The following NFAM1 variants were observed in gnomAD, a reference collection of about 807,000 sequenced individuals.
NFAM1 encodes NFAT activation molecule 1.
A neutral mutation model predicts 29.0 loss-of-function variants in NFAM1; 17 were observed. The observed-to-expected ratio is 0.59, with a 90% confidence interval of 0.40 to 0.88. The LOEUF (loss-of-function observed/expected upper bound fraction) is 0.88, where lower values mean the gene tolerates loss of function less well. NFAM1 is among the 40% of genes least tolerant of loss of function. The pLI is 0.00. For synonymous variants in NFAM1, 175 were observed against 147.2 expected, an observed-to-expected ratio of 1.19 and a Z score of -1.36; for missense variants, 324 against 344.6, an observed-to-expected ratio of 0.94 and a Z score of 0.47.
At chr22:42,410,550 T>C in intron 2 of NFAM1, 2 of 288,210 alleles carry the variant, frequency 6.9e-6, no homozygotes, top group Non-Finnish European at 1.4e-5. Context: ...TCCCAGGTAC[T>C]TGGGAGGCTG....
chr22:42,388,928 G>C lies in NFAM1; in HGVS notation c.664-1850C>G, dbSNP rs967875878. On this transcript the variant is annotated intron_variant, in intron 4 of 5. Transcript: ENST00000329021. The surrounding 1 kb of genome is among the most constrained non-coding windows in gnomAD (Gnocchi z 4.1). Reference sequence around the variant, plus strand: ...AAACTTCCAAGTCCTGCCCTGCCTTGTGCGGCCTTCGTGCCTGTCCGGAGC... The same window carrying C: ...AAACTTCCAAGTCCTGCCCTGCCTTCTGCGGCCTTCGTGCCTGTCCGGAGC... Among the ~76,000 whole-genome samples, 23 of 152,190 alleles carry C rather than the reference G, an allele frequency of 1.5e-4. No homozygotes were observed. The highest frequency in any genetic ancestry group is 3.1e-4 in the Non-Finnish European group (21 of 68,032).
Position 42,411,401 on chromosome 22 carries a change from C to G in NFAM1, c.451+6G>C, listed in dbSNP as rs377343892. The G allele has an allele frequency of 6.2e-7, 1 of 1,605,848 alleles. No individual in the cohort carries two copies. On this transcript the variant is annotated splice_donor_region_variant and intron_variant, in intron 2 of 5. Coordinates refer to ENST00000329021, the MANE Select transcript of NFAM1 (RefSeq NM_145912.8). ...TGCCCTGGAAGAGCCACAGAGGAAG[C>G]CTTACCTCTGACCAGGATGAAGGTG...
chr22:42,382,954 C>T lies in NFAM1; in HGVS notation c.*2207G>A, dbSNP rs1294818079. ...GTGATGGGTCAGCCCCCAAGAACCT[C>T]CTACGCCACAGGGAGGAGTTGGAAT... is the stretch of plus-strand genomic sequence containing the variant. On this transcript the variant is annotated 3_prime_UTR_variant, in exon 6 of 6. Transcript: ENST00000329021. 1.3e-5 allele frequency: 2 copies of T among 152,690 alleles called. No homozygotes were observed. Among genetic ancestry groups the T allele is most frequent in the African/African-American group, 4.8e-5 (2 of 41,450 alleles). The allele number at this position is 152,690 out of a possible 1,614,324, so 9.5% of individuals were successfully genotyped here. A position where few individuals can be genotyped will look rare whatever the true frequency, so the allele number is the denominator to read the frequency against.
At chr22:42,390,816 CAAA>C (rs11343542) in intron 4 of NFAM1, among the ~76,000 whole-genome samples, 12 of 107,572 alleles carry the variant, frequency 1.1e-4, no homozygotes, top group Admixed American at 1.8e-4. Context: ...GACTCCGTCT[CAAA>C]AAAAAAAAAA....
chr22:42,385,368 C>G, intron 5 of NFAM1, 148 bp from the exon 6 acceptor site: 1 of 667,372 alleles, frequency 1.5e-6, no homozygotes, highest in Non-Finnish European at 2.7e-6. Context: ...GTCTCCAAGC[C>G]CACCTCCCCA....
chr22:42,396,296 T>C (rs1361663641), intron 4 of NFAM1, among the ~76,000 whole-genome samples: 1 of 152,188 alleles, frequency 6.6e-6, no homozygotes, highest in South Asian at 2.1e-4. Flanking sequence ...GAAAGATATT[T>C]ATTCACGTGG....
intron 1 of NFAM1, among the ~76,000 whole-genome samples, chr22:42,417,925 C>A (rs1271043211): frequency 6.6e-6 from 1 of 152,206 alleles, no homozygotes; most frequent in Admixed American, 6.5e-5. Context: ...TCTCCTGTGC[C>A]TCCCCACCCC....
intron 3 of NFAM1, among the ~76,000 whole-genome samples, chr22:42,398,400 A>ATTATTG (rs1929610072): frequency 7.9e-6 from 1 of 126,062 alleles, no homozygotes; most frequent in African/African-American, 2.8e-5. Flanking sequence ...TATTATTATT[A>ATTATTG]TTATTATTAT....
intron 1 of NFAM1, 108 bp from the exon 2 acceptor site, chr22:42,411,844 T>C: frequency 1.4e-6 from 1 of 720,306 alleles, no homozygotes; most frequent in East Asian, 2.7e-5. Context: ...ACACCTGTAA[T>C]TCCAACACTT....
chr22:42,422,379 G>A (rs943748726), intron 1 of NFAM1, among the ~76,000 whole-genome samples: 5 of 152,118 alleles, frequency 3.3e-5, no homozygotes, highest in African/African-American at 1.2e-4. Flanking sequence ...GCTGAGGCGG[G>A]CGGATCATCT....
intron 4 of NFAM1, among the ~76,000 whole-genome samples, chr22:42,389,359 G>C (rs1359847404): frequency 6.6e-6 from 1 of 152,208 alleles, no homozygotes; most frequent in African/African-American, 2.4e-5. Flanking sequence ...TGAGAACAGG[G>C]GAGGCTGCGG....
chr22:42,433,319 G>A (rs901942105), upstream of NFAM1, among the ~76,000 whole-genome samples: 5 of 152,200 alleles, frequency 3.3e-5, no homozygotes, highest in East Asian at 1.9e-4. Flanking sequence ...GAGTTTCAGC[G>A]CATGCTGAGC....
chr22:42,436,170 C>T (rs1485087938), upstream of NFAM1, among the ~76,000 whole-genome samples: 2 of 152,194 alleles, frequency 1.3e-5, no homozygotes, highest in Admixed American at 6.5e-5. Context: ...GCTGAGAGGC[C>T]TCCAGCCGGG....
upstream of NFAM1, chr22:42,437,057 A>G: frequency 3.4e-6 from 3 of 889,766 alleles, no homozygotes; most frequent in Non-Finnish European, 4.0e-6. Context: ...GCTAGTGCCA[A>G]CTCCCCAACC....
At position 42,424,137 on chromosome 22, in the gene NFAM1, T is replaced by C. The variant is rs538546596; in HGVS notation, c.121+8100A>G. 7.4e-5 allele frequency among the ~76,000 whole-genome samples: 11 copies of C among 148,024 alleles called. No homozygotes were observed. In the East Asian group the frequency reaches 1.1e-3, roughly 15 times the overall value. On this transcript the variant is annotated intron_variant, in intron 1 of 5. Coordinates refer to ENST00000329021, the MANE Select transcript of NFAM1 (RefSeq NM_145912.8). ...CTTTAAAAAAAAACAAACACATGGCTGGGCGCGGTGGCTCATGCCTGTAAT... is the reference window on the plus strand; with the variant it reads ...CTTTAAAAAAAAACAAACACATGGCCGGGCGCGGTGGCTCATGCCTGTAAT...
Position 42,387,014 on chromosome 22 carries a change from G to A in NFAM1, c.728C>T (p.Thr243Ile). 6.3e-7 allele frequency: 1 copy of A among 1,578,780 alleles called. No individual in the cohort carries two copies. Residue 243 changes from threonine (T) to isoleucine (I), a missense_variant, in exon 5 of 6, where the codon ACC becomes ATC. By Grantham distance (89) the Thr-to-Ile change is moderately conservative. Coordinates refer to ENST00000329021, the MANE Select transcript of NFAM1 (RefSeq NM_145912.8). ...CTGGGAGAGGGGGCTCTGCTTGGCG[G>A]TGGGTGAGCTGCCATCCTCATTCTC... ...CIENEDGSSP[T>I]AKQSPLSQER...
At chr22:42,394,538 C>T (rs1264541065) in intron 4 of NFAM1, among the ~76,000 whole-genome samples, 1 of 151,998 alleles carries the variant, frequency 6.6e-6, no homozygotes, top group Non-Finnish European at 1.5e-5. Context: ...GAAGAATTCT[C>T]AATGGAAATT....
At chr22:42,432,586 C>G (rs973289688), upstream of NFAM1, among the ~76,000 whole-genome samples, 1 of 152,202 alleles carries the variant, frequency 6.6e-6, no homozygotes, top group Non-Finnish European at 1.5e-5. Flanking sequence ...GGACCCAAGC[C>G]TCCCCACTCC....
At chr22:42,398,883 C>CACCGTCCCT (rs1929627131) in intron 3 of NFAM1, among the ~76,000 whole-genome samples, 1 of 152,100 alleles carries the variant, frequency 6.6e-6, no homozygotes, top group Non-Finnish European at 1.5e-5. Context: ...AGGAGGTGGG[C>CACCGTCCCT]ACCGTCCCTA....
Sources: gnomAD v4.1 joint callset for allele counts (sites outside exome capture counted in the v4.1 genomes callset) on GRCh38, gnomAD v4.1.1 for gene constraint, Gnocchi (gnomAD v3.1) non-coding constraint, MANE v1.5 for transcripts, NCBI Gene and HGNC (gene_info 2026-07-23, HGNC 2026-07-21) for gene names.